SLC2A4RG: variants seen among roughly 807,000 people sequenced by gnomAD.
The protein encoded by SLC2A4RG is GLUT4 enhancer factor.
SLC2A4RG carries 23 observed loss-of-function variants against 35.5 expected under a neutral mutation model. The observed-to-expected ratio is 0.65, with a 90% confidence interval of 0.47 to 0.92. The LOEUF (loss-of-function observed/expected upper bound fraction) is 0.92, where lower values mean the gene tolerates loss of function less well. SLC2A4RG is among the 40% of genes least tolerant of loss of function. The pLI, the probability that SLC2A4RG is intolerant of heterozygous loss-of-function variation, is 0.00. For synonymous variants in SLC2A4RG, 306 were observed against 243.7 expected (o/e 1.26, Z -2.38); for missense variants, 539 against 525.0 (o/e 1.03, Z -0.26).
chr20:63,742,760 C>T lies in SLC2A4RG; in HGVS notation c.1022C>T (p.Ala341Val), dbSNP rs115454355. The change falls in exon 7 of 8, where the codon GCC becomes GTC. Residue 341 changes from alanine (A) to valine (V), a missense_variant. Physicochemically the swap from Ala to Val is moderately conservative, Grantham distance 64. Transcript: ENST00000266077. ...ACGGAGGTCGGAGCCTGCCCACCCG[C>T]CTTGTCCTCCAGGATCGGAGTCACC... ...QPTEVGACPPALSSRIGVTLR... is the reference protein window; with the variant it reads ...QPTEVGACPPVLSSRIGVTLR... 60 of 1,593,552 alleles carry T rather than the reference C, an allele frequency of 3.8e-5. No individual in the cohort carries two copies. The African/African-American group carries it at 7.5e-4, about 20-fold the overall frequency.
rs1295862745 is a variant in SLC2A4RG, at chr20:63,739,829, G to A, written c.-84G>A. ...GGCCGGATCCAGGGCGGGGGTCGGC[G>A]GCCCGGCCAGCCCGGCCCGGCCCGG... On this transcript the variant is annotated 5_prime_UTR_variant, in exon 1 of 8. Transcript: ENST00000266077. 3 of 976,206 alleles carry A rather than the reference G, an allele frequency of 3.1e-6. No individual in the cohort carries two copies. The highest frequency in any genetic ancestry group is 2.4e-6 in the Non-Finnish European group (2 of 826,142). 60.5% of individuals were successfully genotyped at this position (976,206 alleles called of 1,614,324 possible).
chr20:63,739,934 G>A lies in SLC2A4RG; in HGVS notation c.22G>A (p.Ala8Thr). 1 of 979,316 alleles carries A rather than the reference G, an allele frequency of 1.0e-6. No homozygotes were observed. The highest frequency in any genetic ancestry group is 1.2e-6 in the Non-Finnish European group (1 of 827,894). The allele number at this position is 979,316 out of a possible 1,614,324, so 60.7% of individuals were successfully genotyped here. MERPPPR[A>T]AGRDPSALRA... is the part of the protein sequence containing the mutation. ...GGCCATGGAGCGCCCCCCGCCCCGC[G>A]CCGCCGGCCGGGACCCCAGTGCGCT... The change falls in exon 1 of 8, where the codon GCC becomes ACC. Residue 8 changes from alanine (A) to threonine (T), a missense_variant. Coordinates refer to ENST00000266077, the MANE Select transcript of SLC2A4RG (RefSeq NM_020062.4).
Position 63,741,455 on chromosome 20 carries a change from G to T in SLC2A4RG, c.367G>T (p.Ala123Ser), listed in dbSNP as rs773413233. Residue 123 changes from alanine (A) to serine (S), a missense_variant, in exon 3 of 8, where the codon GCC becomes TCC. Physicochemically the swap from Ala to Ser is moderately conservative, Grantham distance 99. Transcript: ENST00000266077. ...GTCCACCAGCCCTCTCCTTCTGGGG[G>T]CCCCGGTTGCAGCCTTCAGCCCAGG... is the stretch of plus-strand genomic sequence containing the variant. ...SLSTSPLLLG[A>S]PVAAFSPEPG... The T allele has an allele frequency of 6.2e-7, 1 of 1,613,394 alleles. No individual in the cohort carries two copies. Among genetic ancestry groups the T allele is most frequent in the Admixed American group, 1.7e-5 (1 of 60,008 alleles).
chr20:63,743,269 C>T lies in SLC2A4RG; in HGVS notation c.*279C>T, dbSNP rs2092054862. ...TAGCCCCAAGGGCCCTGGGGGCAGC[C>T]ACCCTCCCGCCTGTCGGCCCGTAGA... On this transcript the variant is annotated 3_prime_UTR_variant, in exon 8 of 8. Transcript: ENST00000266077. The T allele has an allele frequency of 1.6e-5, 5 of 319,296 alleles. No homozygotes were observed. In the East Asian group the frequency reaches 2.7e-4, roughly 17 times the overall value. The allele number at this position is 319,296 out of a possible 1,614,324, so 19.8% of individuals were successfully genotyped here.
chr20:63,741,599 C>A, intron 3 of SLC2A4RG, 120 bp downstream of exon 3: 1 of 1,128,060 alleles, frequency 8.9e-7, no homozygotes, highest in Non-Finnish European at 1.2e-6. Flanking sequence ...CTAAAATGGA[C>A]TCCCGCACCC....
Position 63,743,181 on chromosome 20 carries a change from AC to A in SLC2A4RG, c.*192del, listed in dbSNP as rs2092054073. 1.8e-6 allele frequency: 1 copy of A among 542,230 alleles called. No homozygotes were observed. Among genetic ancestry groups the A allele is most frequent in the Admixed American group, 3.3e-5 (1 of 30,024 alleles). 33.6% of individuals were successfully genotyped at this position (542,230 alleles called of 1,614,324 possible). A position where few individuals can be genotyped will look rare whatever the true frequency, so the allele number is the denominator to read the frequency against. On this transcript the variant is annotated 3_prime_UTR_variant, in exon 8 of 8. Transcript: ENST00000266077. ...CGCCAGGTCGGGGAGGGGTCCCACCACTCAAAGTGCCTCTAAAGAAACCAGC... is the reference window on the plus strand; with the variant it reads ...CGCCAGGTCGGGGAGGGGTCCCACCATCAAAGTGCCTCTAAAGAAACCAGC...
intron 2 of SLC2A4RG, 145 bp downstream of exon 2, chr20:63,740,676 C>G: frequency 1.2e-6 from 1 of 844,162 alleles, no homozygotes; most frequent in East Asian, 3.4e-5. Flanking sequence ...CCTGGAGGAG[C>G]TGAGCAGAAA....
intron 1 of SLC2A4RG, 26 bp downstream of exon 1, chr20:63,740,064 GCCGA>G (rs2092033920): frequency 1.2e-5 from 11 of 951,482 alleles, no homozygotes; most frequent in South Asian, 9.5e-5. Context: ...GGGCGGGGGC[GCCGA>G]CCAAGTTTCT....
rs2145723533 is a variant in SLC2A4RG at position 63,742,388 on chromosome 20, G to C, written c.733G>C (p.Glu245Gln). The stretch of plus-strand genomic sequence containing the variant: ...TGGTGAGGAGGACTTCTACTACACA[G>C]AGCTGGATGTTGGTGTGGACACGCT... ...SDGEEDFYYT[E>Q]LDVGVDTLTD... Residue 245 changes from glutamate to glutamine, a missense_variant, in exon 6 of 8, where the codon GAG becomes CAG. Physicochemically the swap from Glu to Gln is conservative, Grantham distance 29. Transcript: ENST00000266077. 1 of 1,611,896 alleles carries C rather than the reference G, an allele frequency of 6.2e-7. No homozygotes were observed. The highest frequency in any genetic ancestry group is 1.7e-5 in the Admixed American group (1 of 59,936).
rs1239576135 is a variant in SLC2A4RG at position 63,739,803 on chromosome 20, C to A, written c.-110C>A. ...CCTCCGGGCGGCGCGGCGCGGGCGG[C>A]GGCCGGATCCAGGGCGGGGGTCGGC... is the stretch of plus-strand genomic sequence containing the variant. On this transcript the variant is annotated 5_prime_UTR_variant, in exon 1 of 8. Coordinates refer to ENST00000266077, the MANE Select transcript of SLC2A4RG (RefSeq NM_020062.4). 1.0e-6 allele frequency: 1 copy of A among 955,898 alleles called. No homozygotes were observed. The allele number at this position is 955,898 out of a possible 1,614,324, so 59.2% of individuals were successfully genotyped here.
chr20:63,742,028 T>G lies in SLC2A4RG; in HGVS notation c.551T>G (p.Phe184Cys), dbSNP rs1211230165. ...PLPPEAAHFL[F>C]GEPTLRKRKS... ...CCCCCCGAGGCAGCCCACTTTCTGT[T>G]TGGGGAGCCCACCCTGAGAAAAAGG... Residue 184 changes from phenylalanine to cysteine, a missense_variant, in exon 4 of 8, where the codon TTT (phenylalanine) becomes TGT (cysteine). Physicochemically the swap from Phe to Cys is radical, Grantham distance 205 (BLOSUM62 -2). Coordinates refer to ENST00000266077, the MANE Select transcript of SLC2A4RG (RefSeq NM_020062.4). 1 of 1,612,192 alleles carries G rather than the reference T, an allele frequency of 6.2e-7. No homozygotes were observed. The highest frequency in any genetic ancestry group is 8.5e-7 in the Non-Finnish European group (1 of 1,179,174).
At chr20:63,740,754 G>T (rs944211096) in intron 2 of SLC2A4RG, among the ~76,000 whole-genome samples, 26 of 152,220 alleles carry the variant, frequency 1.7e-4, no homozygotes, top group Non-Finnish European at 2.9e-5. Flanking sequence ...CTCAGAACCC[G>T]GAGCGGGTGG....
At position 63,741,438 on chromosome 20, in the gene SLC2A4RG, G is replaced by C. The variant is rs2092040868; in HGVS notation, c.350G>C (p.Ser117Thr). 5 of 1,613,466 alleles carry C rather than the reference G, an allele frequency of 3.1e-6. No individual in the cohort carries two copies. The highest frequency in any genetic ancestry group is 4.2e-6 in the Non-Finnish European group (5 of 1,179,930). The change falls in exon 3 of 8, where the codon AGC becomes ACC. Residue 117 changes from serine to threonine, a missense_variant. Ser to Thr is a moderately conservative substitution (Grantham distance 58). Transcript: ENST00000266077. Reference protein sequence around the residue: ...AAAALTSLSTSPLLLGAPVAA... With the variant: ...AAAALTSLSTTPLLLGAPVAA... ...GCTGCCCTTACAAGCCTGTCCACCA[G>C]CCCTCTCCTTCTGGGGGCCCCGGTT...
Position 63,741,488 on chromosome 20 carries a change from CAGATGTCTGCATTT to C in SLC2A4RG, c.391+12_391+25del. 1 of 1,609,808 alleles carries C rather than the reference CAGATGTCTGCATTT, an allele frequency of 6.2e-7. No homozygotes were observed. The highest frequency in any genetic ancestry group is 8.5e-7 in the Non-Finnish European group (1 of 1,177,074). On this transcript the variant is annotated intron_variant, in intron 3 of 7. Transcript: ENST00000266077. ...TGCAGCCTTCAGCCCAGGTAAGACT[CAGATGTCTGCATTT>C]AGGGGTGTGGGTGGGGACAGGGCTC...
At position 63,742,950 on chromosome 20, in the gene SLC2A4RG, C is replaced by T. The variant is rs2092052072; in HGVS notation, c.1124C>T (p.Ala375Val). 6 of 1,612,098 alleles carry T rather than the reference C, an allele frequency of 3.7e-6. No individual in the cohort carries two copies. Among genetic ancestry groups the T allele is most frequent in the Non-Finnish European group, 5.1e-6 (6 of 1,179,450 alleles). Residue 375 changes from alanine to valine, a missense_variant, in exon 8 of 8, where the codon GCC (alanine) becomes GTC (valine). By Grantham distance (64) the Ala-to-Val change is moderately conservative. Coordinates refer to ENST00000266077, the MANE Select transcript of SLC2A4RG (RefSeq NM_020062.4). ...GMERRDLWCT[A>V]CRWKKACQRF... ...GAGCGCCGGGACCTCTGGTGCACAGCCTGCCGCTGGAAGAAAGCCTGCCAG... is the reference window on the plus strand; with the variant it reads ...GAGCGCCGGGACCTCTGGTGCACAGTCTGCCGCTGGAAGAAAGCCTGCCAG...
In SLC2A4RG at chr20:63,740,523, A is replaced by G; in HGVS notation, c.273A>G (p.Pro91=). The G allele has an allele frequency of 4.1e-6, 5 of 1,229,182 alleles. No homozygotes were observed. The highest frequency in any genetic ancestry group is 5.1e-6 in the Non-Finnish European group (5 of 985,938). 76.1% of individuals were successfully genotyped at this position (1,229,182 alleles called of 1,614,324 possible). A position where few individuals can be genotyped will look rare whatever the true frequency, so the allele number is the denominator to read the frequency against. Residue 91 remains proline, a synonymous_variant, in exon 2 of 8, where the codon CCA becomes CCG. Transcript: ENST00000266077. ...PRTPSAHIPV[P]AQRATPGKAR... ...CTCCGTCGGCGCACATCCCCGTCCCAGCGCAGAGGTGAGCGGGAGGCCCGG... is the reference window on the plus strand; with the variant it reads ...CTCCGTCGGCGCACATCCCCGTCCCGGCGCAGAGGTGAGCGGGAGGCCCGG...
chr20:63,740,239 CCGGGGG>C (rs1283918172), intron 1 of SLC2A4RG, 132 bp from the exon 2 acceptor site: 6 of 521,958 alleles, frequency 1.1e-5, no homozygotes, highest in African/African-American at 2.1e-5. Flanking sequence ...GGGGGCGGGG[CCGGGGG>C]CGGGGCCGCG....
rs769890787 is a variant in SLC2A4RG at position 63,742,390 on chromosome 20, G to A, written c.735G>A (p.Glu245=). ...SDGEEDFYYT[E]LDVGVDTLTD... ...GTGAGGAGGACTTCTACTACACAGA[G>A]CTGGATGTTGGTGTGGACACGCTGA... Residue 245 remains glutamate (E), a synonymous_variant, in exon 6 of 8, where the codon GAG becomes GAA. Transcript: ENST00000266077. 3 of 1,611,918 alleles carry A rather than the reference G, an allele frequency of 1.9e-6. No individual in the cohort carries two copies. The highest frequency in any genetic ancestry group is 1.7e-5 in the Admixed American group (1 of 59,932).
chr20:63,743,020 A>G lies in SLC2A4RG; in HGVS notation c.*30A>G, dbSNP rs751288887. 1.3e-6 allele frequency: 2 copies of G among 1,513,688 alleles called. No individual in the cohort carries two copies. Among genetic ancestry groups the G allele is most frequent in the African/African-American group, 1.4e-5 (1 of 70,516 alleles). The allele number at this position is 1,513,688 out of a possible 1,614,324, so 93.8% of individuals were successfully genotyped here. On this transcript the variant is annotated 3_prime_UTR_variant, in exon 8 of 8. Coordinates refer to ENST00000266077, the MANE Select transcript of SLC2A4RG (RefSeq NM_020062.4). ...GGCTCGTTCAAGAACATAAGCTACC[A>G]CCTTCTCCCTCCCCACCCCCTCCAG...
Sources: allele counts gnomAD v4.1 joint callset (sites outside exome capture counted in the v4.1 genomes callset), GRCh38; gene constraint gnomAD v4.1.1; transcripts MANE v1.5; gene names NCBI Gene and HGNC (gene_info 2026-07-23, HGNC 2026-07-21).